The following ITPKB variants were observed in gnomAD, a reference collection of about 807,000 sequenced individuals.
ITPKB encodes the protein inositol-trisphosphate 3-kinase B.
In ITPKB, 13 loss-of-function variants were observed where a neutral mutation model predicts 69.4. The ratio of observed to expected loss-of-function variants is 0.19; its 90% CI spans 0.12 to 0.30. ITPKB has a LOEUF of 0.30. Ranked by LOEUF, ITPKB falls within the 10% of genes least tolerant of loss-of-function variation. The pLI, the probability that ITPKB is intolerant of heterozygous loss-of-function variation, is 1.00. For synonymous variants in ITPKB, 584 were observed against 513.7 expected (o/e 1.14, Z -1.85); for missense variants, 1,240 against 1,250.5 (o/e 0.99, Z 0.13).
chr1:226,703,512 T>TCTCCTCCC (rs1656724911), intron 2 of ITPKB, among the ~76,000 whole-genome samples: 1 of 151,908 alleles, frequency 6.6e-6, no homozygotes, highest in South Asian at 2.1e-4. Context: ...CCCCACCTCC[T>TCTCCTCCC]CTCTCCTCCC....
chr1:226,720,559 A>G (rs775442335), intron 2 of ITPKB, among the ~76,000 whole-genome samples: 2 of 152,232 alleles, frequency 1.3e-5, no homozygotes, highest in Non-Finnish European at 2.9e-5. Context: ...AAAATAATGA[A>G]TGCCCTGCAA....
chr1:226,732,348 C>G (rs1462171880), intron 2 of ITPKB, among the ~76,000 whole-genome samples: 1 of 152,174 alleles, frequency 6.6e-6, no homozygotes, highest in Non-Finnish European at 1.5e-5. Flanking sequence ...AAGCAATTCT[C>G]CTGCCTTAGC....
intron 2 of ITPKB, among the ~76,000 whole-genome samples, chr1:226,671,231 G>T (rs1669611974): frequency 6.6e-6 from 1 of 152,168 alleles, no homozygotes; most frequent in African/African-American, 2.4e-5. Context: ...TAGACTCCTA[G>T]GGTGGAGGCG....
Position 226,642,358 on chromosome 1 carries a change from G to A in ITPKB, c.2247-233C>T, listed in dbSNP as rs1048587047. On this transcript the variant is annotated intron_variant, in intron 4 of 7. Coordinates refer to ENST00000429204, the MANE Select transcript of ITPKB (RefSeq NM_002221.4). This position sits in a 1 kb window ranked among gnomAD's most constrained non-coding sequence, Gnocchi z 6.4. ...TTTAGACAATTTTTTTAGTAGATAA[G>A]GGAGTCTCGCTATGTTGCCCCGGCT... 2.0e-5 allele frequency among the ~76,000 whole-genome samples: 3 copies of A among 151,816 alleles called. No homozygotes were observed. The highest frequency in any genetic ancestry group is 7.3e-5 in the African/African-American group (3 of 41,306).
In ITPKB at chr1:226,677,175, C is replaced by T. The variant is rs3754391; in HGVS notation, c.1933-28404G>A. On this transcript the variant is annotated intron_variant, in intron 2 of 7. Transcript: ENST00000429204. Reference sequence around the variant, plus strand: ...CCAGGGACAGCAGGAGTTTCCAGAACACACAAAGACTTATTCTGCTCACAA... The same window carrying T: ...CCAGGGACAGCAGGAGTTTCCAGAATACACAAAGACTTATTCTGCTCACAA... Among the ~76,000 whole-genome samples the T allele has an allele frequency of 2.3e-4, 35 of 152,354 alleles. 1 individual carries two copies. The East Asian group carries it at 6.8e-3, about 29-fold the overall frequency.
chr1:226,660,054 G>C (rs919933271), intron 2 of ITPKB, among the ~76,000 whole-genome samples: 1 of 152,218 alleles, frequency 6.6e-6, no homozygotes, highest in Non-Finnish European at 1.5e-5. Flanking sequence ...ATATTTGTGG[G>C]AATTTCCTGT....
rs1668910555 is a variant in ITPKB at position 226,639,674 on chromosome 1, C to T, written c.2452-16G>A. 4 of 1,576,338 alleles carry T rather than the reference C, an allele frequency of 2.5e-6. No individual in the cohort carries two copies. The highest frequency in any genetic ancestry group is 3.5e-6 in the Non-Finnish European group (4 of 1,145,526). Reference sequence around the variant, plus strand: ...CGTCTTCTTTCTGAGAAAGAGAACACCCCACCCAGGAGGGGGTCAGCAGGG... The same window carrying T: ...CGTCTTCTTTCTGAGAAAGAGAACATCCCACCCAGGAGGGGGTCAGCAGGG... On this transcript the variant is annotated splice_polypyrimidine_tract_variant and intron_variant, in intron 5 of 7. Transcript: ENST00000429204.
chr1:226,728,846 C>T (rs1657500588), intron 2 of ITPKB, among the ~76,000 whole-genome samples: 1 of 152,174 alleles, frequency 6.6e-6, no homozygotes, highest in Admixed American at 6.5e-5. Context: ...TAAACCCAAG[C>T]CTAGCACCCT....
At chr1:226,696,996 C>T (rs766505062) in intron 2 of ITPKB, among the ~76,000 whole-genome samples, 2 of 152,182 alleles carry the variant, frequency 1.3e-5, no homozygotes, top group Non-Finnish European at 1.5e-5. Context: ...GTCACAACCA[C>T]GAAGTTCATT....
chr1:226,660,251 G>A (rs1165781069), intron 2 of ITPKB, among the ~76,000 whole-genome samples: 1 of 152,190 alleles, frequency 6.6e-6, no homozygotes, highest in East Asian at 1.9e-4. Context: ...CTCTTCGTGG[G>A]CATCCCCAGT....
At chr1:226,730,525 C>T (rs1329427216) in intron 2 of ITPKB, among the ~76,000 whole-genome samples, 1 of 152,084 alleles carries the variant, frequency 6.6e-6, no homozygotes, top group Non-Finnish European at 1.5e-5. Flanking sequence ...ATGCATAAAC[C>T]TACCATCCCA....
rs768427676 is a variant in ITPKB, at chr1:226,736,986, C to T, written c.473G>A (p.Ser158Asn). Reference sequence around the variant, plus strand: ...GCTGCGGGGCGCTTGAATGGCGGAGCTCTGTGCCTGGATGTGCGCCTCAAA... The same window carrying T: ...GCTGCGGGGCGCTTGAATGGCGGAGTTCTGTGCCTGGATGTGCGCCTCAAA... ...GMFEAHIQAQ[S>N]SAIQAPRSPR... The change falls in exon 2 of 8, where the codon AGC becomes AAC. Residue 158 changes from serine to asparagine, a missense_variant. Ser to Asn is a conservative substitution (Grantham distance 46). Coordinates refer to ENST00000429204, the MANE Select transcript of ITPKB (RefSeq NM_002221.4). The T allele has an allele frequency of 1.2e-6, 2 of 1,612,630 alleles. No individual in the cohort carries two copies. The highest frequency in any genetic ancestry group is 2.2e-5 in the East Asian group (1 of 44,866).
In ITPKB at chr1:226,736,515, G is replaced by T; in HGVS notation, c.944C>A (p.Pro315Gln). The T allele has an allele frequency of 2.5e-6, 4 of 1,613,972 alleles. No individual in the cohort carries two copies. The highest frequency in any genetic ancestry group is 3.4e-6 in the Non-Finnish European group (4 of 1,180,036). Residue 315 changes from proline to glutamine, a missense_variant, in exon 2 of 8, where the codon CCA (proline) becomes CAA (glutamine). Pro to Gln is a moderately conservative substitution (Grantham distance 76). Coordinates refer to ENST00000429204, the MANE Select transcript of ITPKB (RefSeq NM_002221.4). ...EVAARVTSTGPHRPQDLALTE... is the reference protein window; with the variant it reads ...EVAARVTSTGQHRPQDLALTE... ...GAGGGCAAGATCCTGTGGACGGTGT[G>T]GCCCAGTGGATGTAACTCTCGCTGC...
At chr1:226,664,817 T>C (rs1181724688) in intron 2 of ITPKB, among the ~76,000 whole-genome samples, 1 of 152,180 alleles carries the variant, frequency 6.6e-6, no homozygotes, top group African/African-American at 2.4e-5. Context: ...ATGGAAAGTA[T>C]TTGCCTTGGG....
intron 2 of ITPKB, among the ~76,000 whole-genome samples, chr1:226,649,412 GAT>G (rs1669131129): frequency 6.9e-6 from 1 of 145,220 alleles, no homozygotes; most frequent in Non-Finnish European, 1.5e-5. Context: ...GTGCATGTGT[GAT>G]ATGTGCATGA....
rs1279343637 is a variant in ITPKB at position 226,642,974 on chromosome 1, G to C, written c.2247-849C>G. Among the ~76,000 whole-genome samples the C allele has an allele frequency of 6.6e-6, 1 of 152,198 alleles. No homozygotes were observed. The highest frequency in any genetic ancestry group is 2.4e-5 in the African/African-American group (1 of 41,440). On this transcript the variant is annotated intron_variant, in intron 4 of 7. Transcript: ENST00000429204. This position sits in a 1 kb window ranked among gnomAD's most constrained non-coding sequence, Gnocchi z 6.4. ...GGAGAAGGCCGTATTGTGGGGGAAAGGCAGGGGGCTCCCTCAGCCTCTGCT... is the reference window on the plus strand; with the variant it reads ...GGAGAAGGCCGTATTGTGGGGGAAACGCAGGGGGCTCCCTCAGCCTCTGCT...
intron 4 of ITPKB, among the ~76,000 whole-genome samples, chr1:226,646,651 G>A (rs1215839809): frequency 1.3e-5 from 2 of 152,128 alleles, no homozygotes; most frequent in Admixed American, 6.5e-5. Context: ...TCCGTCAGGG[G>A]CTTCCTCCTC....
At chr1:226,655,842 G>C (rs1669276784) in intron 2 of ITPKB, among the ~76,000 whole-genome samples, 1 of 152,198 alleles carries the variant, frequency 6.6e-6, no homozygotes, top group African/African-American at 2.4e-5. Flanking sequence ...TGTGACGCTG[G>C]GGGCAGACAC....
At chr1:226,700,672 G>C (rs1656616335) in intron 2 of ITPKB, among the ~76,000 whole-genome samples, 1 of 152,038 alleles carries the variant, frequency 6.6e-6, no homozygotes, top group Admixed American at 6.6e-5. Context: ...AATGATATTA[G>C]TGATTGGCCA....
Sources: gnomAD v4.1 joint callset for allele counts (sites outside exome capture counted in the v4.1 genomes callset) on GRCh38, gnomAD v4.1.1 for gene constraint, Gnocchi (gnomAD v3.1) non-coding constraint, MANE v1.5 for transcripts, NCBI Gene and HGNC (gene_info 2026-07-23, HGNC 2026-07-21) for gene names.